Variants in AHI1 observed in about 807,000 individuals in gnomAD.
AHI1 encodes Abelson helper integration site 1, also known as jouberin.
Under a neutral mutation model 149.3 loss-of-function variants are expected in AHI1, and 123 were observed. The ratio of observed to expected loss-of-function variants is 0.82; its 90% CI spans 0.71 to 0.96. The LOEUF (loss-of-function observed/expected upper bound fraction) is 0.96, where lower values mean the gene tolerates loss of function less well. Ranked by LOEUF, AHI1 falls within the 40% of genes least tolerant of loss-of-function variation. The pLI is 0.00. For missense variants in AHI1, 1,439 were observed against 1,422.7 expected, an observed-to-expected ratio of 1.01 and a Z score of -0.18; for synonymous variants, 475 against 459.8, an observed-to-expected ratio of 1.03 and a Z score of -0.42.
chr6:135,414,392 AT>A (rs1175407351), intron 20 of AHI1, among the ~76,000 whole-genome samples: 6 of 152,344 alleles, frequency 3.9e-5, no homozygotes, highest in African/African-American at 1.2e-4. Context: ...TTAGGCAAAG[AT>A]TTCTTAGACA....
At chr6:135,425,468 A>G (rs1167351805) in intron 20 of AHI1, among the ~76,000 whole-genome samples, 1 of 151,904 alleles carries the variant, frequency 6.6e-6, no homozygotes, top group Non-Finnish European at 1.5e-5. Context: ...ATTCTTACAT[A>G]TAGTCAAGCA....
chr6:135,300,383 T>A, intron 27 of AHI1, 117 bp downstream of exon 27: 1 of 1,064,852 alleles, frequency 9.4e-7, no homozygotes, highest in Non-Finnish European at 1.3e-6. Context: ...TAAAATCAAC[T>A]ATCTGAAATT....
At chr6:135,379,725 T>C (rs1327331807) in intron 23 of AHI1, among the ~76,000 whole-genome samples, 1 of 152,186 alleles carries the variant, frequency 6.6e-6, no homozygotes, top group Non-Finnish European at 1.5e-5. Context: ...CTGAACTTAC[T>C]GTTTTCTACT....
chr6:135,342,933 GA>G (rs1790591842), intron 24 of AHI1, among the ~76,000 whole-genome samples: 1 of 150,504 alleles, frequency 6.6e-6, no homozygotes, highest in African/African-American at 2.4e-5. Context: ...GTTCTAACTG[GA>G]AAAATTAGGC....
chr6:135,450,484 G>A lies in AHI1; in HGVS notation c.1441-2009C>T, dbSNP rs1048939382. Among the ~76,000 whole-genome samples the A allele has an allele frequency of 5.9e-5, 9 of 152,098 alleles. 1 individual carries two copies. The highest frequency in any genetic ancestry group is 3.3e-4 in the Admixed American group (5 of 15,266). On this transcript the variant is annotated intron_variant, in intron 11 of 28. Coordinates refer to ENST00000265602, the MANE Select transcript of AHI1 (RefSeq NM_001134831.2). ...AGACAATGGAGGTTATAAGCTGAGC[G>A]GGTGACATTGTGATTAGTGTCAAAT...
chr6:135,358,399 CT>C (rs1336813179), intron 23 of AHI1, among the ~76,000 whole-genome samples: 1 of 152,172 alleles, frequency 6.6e-6, no homozygotes, highest in African/African-American at 2.4e-5. Context: ...TTAGCTAAGC[CT>C]TTTTTCCCAT....
chr6:135,446,997 A>G lies in AHI1; in HGVS notation c.1779+11T>C, dbSNP rs752677997. The stretch of plus-strand genomic sequence containing the variant: ...ACATCTAAATAAATCCACTATTATC[A>G]AACACTTCACCTGCCCAGGGAGTCG... On this transcript the variant is annotated intron_variant, in intron 13 of 28. Transcript: ENST00000265602. 9 of 1,603,238 alleles carry G rather than the reference A, an allele frequency of 5.6e-6. No individual in the cohort carries two copies. The Middle Eastern group carries it at 5.0e-4, about 89-fold the overall frequency.
intron 24 of AHI1, among the ~76,000 whole-genome samples, chr6:135,342,078 A>T (rs1309104277): frequency 6.6e-6 from 1 of 151,948 alleles, no homozygotes; most frequent in Non-Finnish European, 1.5e-5. Context: ...ACAAAAGGTA[A>T]GATCCAAATT....
At chr6:135,435,172 C>A (rs928505001) in intron 15 of AHI1, 2 of 152,172 alleles carry the variant, frequency 1.3e-5, no homozygotes, top group Non-Finnish European at 2.9e-5. Flanking sequence ...TCAAAACTCT[C>A]CTTGTCATTT....
At chr6:135,422,844 C>T (rs1783404191) in intron 20 of AHI1, among the ~76,000 whole-genome samples, 1 of 151,768 alleles carries the variant, frequency 6.6e-6, no homozygotes, top group Non-Finnish European at 1.5e-5. Context: ...AAGCAAACTT[C>T]CTTTCTTAAG....
At chr6:135,423,721 T>C (rs1266032918) in intron 20 of AHI1, among the ~76,000 whole-genome samples, 1 of 152,068 alleles carries the variant, frequency 6.6e-6, no homozygotes, top group Non-Finnish European at 1.5e-5. Flanking sequence ...TTAATAAAGA[T>C]TTGTCTTGTC....
intron 22 of AHI1, among the ~76,000 whole-genome samples, chr6:135,400,649 A>G (rs1779899851): frequency 6.6e-6 from 1 of 152,242 alleles, no homozygotes; most frequent in Non-Finnish European, 1.5e-5. Flanking sequence ...AATTAAGCTG[A>G]AAGCTAAGTC....
intron 5 of AHI1, among the ~76,000 whole-genome samples, chr6:135,478,229 G>A (rs1446279679): frequency 6.6e-6 from 1 of 152,176 alleles, no homozygotes; most frequent in African/African-American, 2.4e-5. Context: ...GGCAAAAGTT[G>A]GAACAGTTTG....
chr6:135,441,580 A>G (rs766695984), intron 14 of AHI1, among the ~76,000 whole-genome samples: 2 of 151,996 alleles, frequency 1.3e-5, no homozygotes, highest in Non-Finnish European at 2.9e-5. Context: ...ATCTCAATCT[A>G]CATAGCATTT....
chr6:135,397,010 A>T (rs1033053497), intron 22 of AHI1, among the ~76,000 whole-genome samples: 12 of 151,924 alleles, frequency 7.9e-5, no homozygotes, highest in East Asian at 1.9e-4. Flanking sequence ...ATTTTTTTTT[A>T]AAAAACCTGT....
intron 27 of AHI1, among the ~76,000 whole-genome samples, chr6:135,291,383 A>C (rs147478165): frequency 3.0e-4 from 46 of 152,340 alleles, no homozygotes; most frequent in Non-Finnish European, 4.3e-4. Flanking sequence ...AACTAAGGTT[A>C]AATGGGGTCA....
At chr6:135,359,091 T>C (rs898366220) in intron 23 of AHI1, among the ~76,000 whole-genome samples, 3 of 152,238 alleles carry the variant, frequency 2.0e-5, no homozygotes, top group Admixed American at 6.5e-5. Context: ...TACAAGCATA[T>C]GACTCATTTT....
Position 135,427,247 on chromosome 6 carries a change from T to A in AHI1, c.2684A>T (p.Tyr895Phe), listed in dbSNP as rs1405978450. ...TGCAACCATATTTTCAAATGGATGATAAGAAATGTCTCGAATGGGTGACTT... is the reference window on the plus strand; with the variant it reads ...TGCAACCATATTTTCAAATGGATGAAAAGAAATGTCTCGAATGGGTGACTT... The part of the protein sequence containing the change: ...PFKSPIRDIS[Y>F]HPFENMVAFC... Residue 895 changes from tyrosine (Y) to phenylalanine (F), a missense_variant, in exon 20 of 29, where the codon TAT becomes TTT. Coordinates refer to ENST00000265602, the MANE Select transcript of AHI1 (RefSeq NM_001134831.2). 1 of 1,610,662 alleles carries A rather than the reference T, an allele frequency of 6.2e-7. No homozygotes were observed. Among genetic ancestry groups the A allele is most frequent in the Non-Finnish European group, 8.5e-7 (1 of 1,177,760 alleles).
chr6:135,463,439 G>T, intron 7 of AHI1, 133 bp from the exon 8 acceptor site: 1 of 705,702 alleles, frequency 1.4e-6, no homozygotes, highest in Non-Finnish European at 2.1e-6. Context: ...CTTGAGAGAT[G>T]CATGTATTTT....
Sources: allele counts gnomAD v4.1 joint callset (sites outside exome capture counted in the v4.1 genomes callset), GRCh38; gene constraint gnomAD v4.1.1; transcripts MANE v1.5; gene names NCBI Gene and HGNC (gene_info 2026-07-23, HGNC 2026-07-21).